IPO11: variants seen among roughly 807,000 people sequenced by gnomAD.
IPO11 encodes importin 11.
Under a neutral mutation model 143.2 loss-of-function variants are expected in IPO11, and 66 were observed. The observed-to-expected ratio is 0.46, with a 90% confidence interval of 0.38 to 0.57. IPO11 has a LOEUF of 0.57. Ranked by LOEUF, IPO11 falls within the 20% of genes least tolerant of loss-of-function variation. The pLI is 0.00. For missense variants in IPO11, 1,026 were observed against 1,141.0 expected, an observed-to-expected ratio of 0.90 and a Z score of 1.45; for synonymous variants, 385 against 377.8, an observed-to-expected ratio of 1.02 and a Z score of -0.22.
intron 28 of IPO11, among the ~76,000 whole-genome samples, chr5:62,592,964 A>T (rs1209506897): frequency 6.6e-6 from 1 of 152,194 alleles, no homozygotes; most frequent in African/African-American, 2.4e-5. Flanking sequence ...TGTAAATTGT[A>T]TACTTAATAT....
intron 19 of IPO11, among the ~76,000 whole-genome samples, chr5:62,508,778 C>T (rs1366284637): frequency 6.6e-6 from 1 of 152,088 alleles, no homozygotes; most frequent in African/African-American, 2.4e-5. Flanking sequence ...CCAACAGGCC[C>T]CGGTGTGAGA....
Position 62,525,962 on chromosome 5 carries a change from A to G in IPO11, c.1897-180A>G, listed in dbSNP as rs2112305147. 2.0e-5 allele frequency among the ~76,000 whole-genome samples: 3 copies of G among 152,268 alleles called. No homozygotes were observed. The Middle Eastern group carries it at 0.01, about 518-fold the overall frequency. On this transcript the variant is annotated intron_variant, in intron 20 of 29. Coordinates refer to ENST00000325324, the MANE Select transcript of IPO11 (RefSeq NM_016338.5). ...ATAGGCAATTGAATAGTATTTTTTA[A>G]TTTTTCCTTTCCAATTATAAACAGA...
chr5:62,609,638 G>A (rs796791333), intron 29 of IPO11, among the ~76,000 whole-genome samples: 23 of 152,374 alleles, frequency 1.5e-4, no homozygotes, highest in African/African-American at 5.3e-4. Context: ...ACACAATTGT[G>A]TCATTTTGAC....
intron 16 of IPO11, among the ~76,000 whole-genome samples, chr5:62,504,079 A>G (rs1450555504): frequency 6.6e-6 from 1 of 152,238 alleles, no homozygotes; most frequent in African/African-American, 2.4e-5. Context: ...ATGTTGTAAT[A>G]TGATTTGCCC....
At chr5:62,595,447 T>G (rs938429918) in intron 28 of IPO11, among the ~76,000 whole-genome samples, 1 of 152,252 alleles carries the variant, frequency 6.6e-6, no homozygotes, top group Non-Finnish European at 1.5e-5. Flanking sequence ...TAGCCTATGC[T>G]TATTTTTATA....
chr5:62,415,164 C>T (rs574757997), intron 1 of IPO11, among the ~76,000 whole-genome samples: 5 of 152,290 alleles, frequency 3.3e-5, no homozygotes, highest in African/African-American at 1.2e-4. Context: ...AACCCACCAC[C>T]TTTCCTCTTT....
At chr5:62,492,902 T>G (rs2112240824) in intron 15 of IPO11, among the ~76,000 whole-genome samples, 1 of 152,190 alleles carries the variant, frequency 6.6e-6, no homozygotes, top group Non-Finnish European at 1.5e-5. Flanking sequence ...AATTGCAATT[T>G]TTTGGGAAAA....
chr5:62,570,322 G>T (rs1187487722), intron 27 of IPO11, among the ~76,000 whole-genome samples: 1 of 152,036 alleles, frequency 6.6e-6, no homozygotes, highest in Non-Finnish European at 1.5e-5. Flanking sequence ...CCCCAAAAAA[G>T]TCCCACACTT....
At chr5:62,478,914 A>G (rs923736625) in intron 9 of IPO11, among the ~76,000 whole-genome samples, 13 of 152,200 alleles carry the variant, frequency 8.5e-5, no homozygotes, top group Non-Finnish European at 1.3e-4. Flanking sequence ...GCAATGTGAC[A>G]CACAATGTCT....
Position 62,627,338 on chromosome 5 carries a change from G to A in IPO11, c.*20G>A. The A allele has an allele frequency of 6.3e-7, 1 of 1,593,830 alleles. No individual in the cohort carries two copies. Among genetic ancestry groups the A allele is most frequent in the Non-Finnish European group, 8.6e-7 (1 of 1,165,648 alleles). ...TTCTAAGAGCACATGACATGTGGCT[G>A]CCTCCCCTTTCAGAAACAAGCTGAG... On this transcript the variant is annotated 3_prime_UTR_variant, in exon 30 of 30. Transcript: ENST00000325324.
At chr5:62,480,534 A>G (rs1234756335) in intron 9 of IPO11, among the ~76,000 whole-genome samples, 1 of 152,148 alleles carries the variant, frequency 6.6e-6, no homozygotes, top group Non-Finnish European at 1.5e-5. Flanking sequence ...CTTGGACAGT[A>G]TGGCCATTTT....
intron 29 of IPO11, among the ~76,000 whole-genome samples, chr5:62,615,456 G>T (rs1235353914): frequency 1.3e-5 from 2 of 152,188 alleles, no homozygotes; most frequent in Non-Finnish European, 2.9e-5. Flanking sequence ...CATACCATGT[G>T]CCAAAATAGT....
chr5:62,504,307 C>T (rs1741471499), intron 16 of IPO11, among the ~76,000 whole-genome samples: 1 of 152,156 alleles, frequency 6.6e-6, no homozygotes, highest in South Asian at 2.1e-4. Flanking sequence ...CTTTGACTTA[C>T]ACATCCTCCA....
At chr5:62,413,005 C>CGA (rs10644456) in intron 1 of IPO11, 76 bp downstream of exon 1, 147,534 of 152,460 alleles carry the variant, frequency 0.97, 71,409 homozygotes, top group East Asian at 1. Flanking sequence ...TCCCGAGAGG[C>CGA]GGGAGGAAAG....
intron 5 of IPO11, among the ~76,000 whole-genome samples, chr5:62,452,723 G>GGTGTGTGT (rs57057274): frequency 1.7e-3 from 234 of 135,440 alleles, no homozygotes; most frequent in Middle Eastern, 3.6e-3. Flanking sequence ...TTTTTGGTGG[G>GGTGTGTGT]GTGTGTGTGT....
chr5:62,591,546 G>T, intron 27 of IPO11, 31 bp from the exon 28 acceptor site: 2 of 1,294,266 alleles, frequency 1.5e-6, no homozygotes, highest in South Asian at 1.3e-5. Flanking sequence ...TAGTATTCCA[G>T]TTAACCTGTT....
intron 27 of IPO11, chr5:62,580,522 G>T (rs1210880179): frequency 1.9e-6 from 3 of 1,551,264 alleles, no homozygotes; most frequent in Non-Finnish European, 1.7e-6. Context: ...TAATCCTTGG[G>T]AATGTAACTG....
intron 2 of IPO11, among the ~76,000 whole-genome samples, chr5:62,439,548 A>G (rs1744383151): frequency 6.6e-6 from 1 of 151,008 alleles, no homozygotes; most frequent in Non-Finnish European, 1.5e-5. Flanking sequence ...TGGCCTCCCA[A>G]AGTGCTGGGA....
chr5:62,447,591 C>CTT (rs543600533), intron 3 of IPO11, among the ~76,000 whole-genome samples: 2 of 143,338 alleles, frequency 1.4e-5, no homozygotes, highest in East Asian at 2.0e-4. Context: ...TTTTTTTATT[C>CTT]TTTTTTTTTT....
Sources: allele counts gnomAD v4.1 joint callset (sites outside exome capture counted in the v4.1 genomes callset), GRCh38; gene constraint gnomAD v4.1.1; transcripts MANE v1.5; gene names NCBI Gene and HGNC (gene_info 2026-07-23, HGNC 2026-07-21).